TRAF2: variants seen among roughly 807,000 people sequenced by gnomAD.
The protein encoded by TRAF2 is TNF receptor-associated factor 2.
TRAF2 carries 6 observed loss-of-function variants against 55.6 expected under a neutral mutation model. The observed-to-expected ratio is 0.11, with a 90% CI of 0.06 to 0.21. The LOEUF is 0.21. TRAF2 is among the 10% of genes least tolerant of loss of function. The pLI, the probability that TRAF2 is intolerant of heterozygous loss-of-function variation, is 1.00. For synonymous variants in TRAF2, 329 were observed against 276.3 expected (o/e 1.19, Z -1.89); for missense variants, 561 against 684.5 (o/e 0.82, Z 2.01).
At chr9:136,909,870 G>T in intron 5 of TRAF2, 50 bp from the exon 6 acceptor site, 8 of 1,599,234 alleles carry the variant, frequency 5.0e-6, no homozygotes, top group Non-Finnish European at 6.8e-6. Flanking sequence ...CCCTCCACCC[G>T]CGCCTGGCAT....
At chr9:136,922,706 G>A (rs562093135) in intron 9 of TRAF2, among the ~76,000 whole-genome samples, 16 of 145,656 alleles carry the variant, frequency 1.1e-4, no homozygotes, top group African/African-American at 4.1e-4. Context: ...GGGGAGGATG[G>A]GCCTGGGCAC....
At chr9:136,893,741 C>A (rs895157554) in intron 1 of TRAF2, among the ~76,000 whole-genome samples, 1 of 152,016 alleles carries the variant, frequency 6.6e-6, no homozygotes, top group Non-Finnish European at 1.5e-5. Flanking sequence ...GTGGTAGTGA[C>A]CCTTTTTCTT....
chr9:136,883,825 A>G (rs967596260), upstream of TRAF2, among the ~76,000 whole-genome samples: 2 of 119,254 alleles, frequency 1.7e-5, no homozygotes, highest in East Asian at 2.5e-4. Flanking sequence ...CCTTTTGTGT[A>G]TTTTTTTTTT....
chr9:136,909,390 G>A (rs17244019), intron 5 of TRAF2, among the ~76,000 whole-genome samples: 1,897 of 152,194 alleles, frequency 0.012, 40 homozygotes, highest in African/African-American at 0.044. Context: ...CTCTGCCTCT[G>A]GGGCCCATGG....
chr9:136,915,752 C>T (rs534898329), intron 6 of TRAF2, among the ~76,000 whole-genome samples: 130 of 152,298 alleles, frequency 8.5e-4, no homozygotes, highest in Non-Finnish European at 1.6e-3. Context: ...CTGTGCTTCT[C>T]TTGCTGTTCA....
intron 1 of TRAF2, 104 bp from the exon 2 acceptor site, chr9:136,898,609 G>C: frequency 6.6e-7 from 1 of 1,506,340 alleles, no homozygotes; most frequent in Non-Finnish European, 8.9e-7. Context: ...GGTCAGTGGG[G>C]ACCCGGCCCC....
At chr9:136,918,227 T>TTATATATATATA (rs764701854) in intron 7 of TRAF2, among the ~76,000 whole-genome samples, 106 of 68,024 alleles carry the variant, frequency 1.6e-3, no homozygotes, top group African/African-American at 6.9e-3. Flanking sequence ...AGTGTTTTGT[T>TTATATATATATA]TATATATATA....
chr9:136,919,302 T>TTTC (rs1444859748), intron 7 of TRAF2, among the ~76,000 whole-genome samples: 1 of 144,334 alleles, frequency 6.9e-6, no homozygotes, highest in Non-Finnish European at 1.5e-5. Context: ...TGGCTTTTTT[T>TTTC]TTTTTTTTTT....
At chr9:136,883,644 G>A (rs981913061), upstream of TRAF2, among the ~76,000 whole-genome samples, 1 of 151,692 alleles carries the variant, frequency 6.6e-6, no homozygotes, top group African/African-American at 2.4e-5. Context: ...AGCCTCCTGA[G>A]TAATTGGGAT....
chr9:136,911,846 C>CTTTTTTTTTTTTTTTTTTTT (rs71492143), intron 6 of TRAF2, among the ~76,000 whole-genome samples: 1 of 71,452 alleles, frequency 1.4e-5, no homozygotes, highest in Non-Finnish European at 2.4e-5. Flanking sequence ...TCTCTTATCT[C>CTTTTTTTTTTTTTTTTTTTT]TTTTTTTTTT....
At chr9:136,908,901 G>A (rs1018579756) in intron 5 of TRAF2, among the ~76,000 whole-genome samples, 1 of 145,506 alleles carries the variant, frequency 6.9e-6, no homozygotes, top group East Asian at 2.0e-4. Flanking sequence ...AGCCAGGCAC[G>A]GTGGCGAGTG....
At chr9:136,908,364 A>G (rs1219082025) in intron 5 of TRAF2, 133 bp downstream of exon 5, 5 of 1,011,710 alleles carry the variant, frequency 4.9e-6, no homozygotes, top group Non-Finnish European at 7.0e-6. Context: ...CCCTGGAGAC[A>G]CGCGGGCGGA....
At chr9:136,885,555 G>T (rs1026476128), upstream of TRAF2, among the ~76,000 whole-genome samples, 1 of 152,160 alleles carries the variant, frequency 6.6e-6, no homozygotes, top group South Asian at 2.1e-4. Context: ...TTCACTTGAG[G>T]TCGGGAGTTC....
chr9:136,898,501 T>G, intron 1 of TRAF2: 1 of 866,668 alleles, frequency 1.2e-6, no homozygotes, highest in Non-Finnish European at 1.4e-6. Flanking sequence ...CCAGCCTCAC[T>G]GAGCCTGAGT....
At chr9:136,891,470 C>T (rs1849578929) in intron 1 of TRAF2, among the ~76,000 whole-genome samples, 3 of 151,208 alleles carry the variant, frequency 2.0e-5, no homozygotes, top group Admixed American at 2.0e-4. Context: ...TCTTGAACTC[C>T]TGAGCTCAAG....
intron 6 of TRAF2, among the ~76,000 whole-genome samples, chr9:136,913,684 T>C (rs936843925): frequency 3.3e-5 from 5 of 152,200 alleles, no homozygotes; most frequent in African/African-American, 1.2e-4. Flanking sequence ...TTCAGGTTCT[T>C]TTAAAATGTG....
At chr9:136,896,031 C>T (rs372747187) in intron 1 of TRAF2, among the ~76,000 whole-genome samples, 2 of 152,108 alleles carry the variant, frequency 1.3e-5, no homozygotes, top group South Asian at 2.1e-4. Flanking sequence ...CACCATGCCC[C>T]TGTCCTTCCT....
At chr9:136,895,801 G>A (rs1849667026) in intron 1 of TRAF2, among the ~76,000 whole-genome samples, 1 of 146,826 alleles carries the variant, frequency 6.8e-6, no homozygotes, top group African/African-American at 2.5e-5. Flanking sequence ...GTGACAGATT[G>A]CTCCACTGCA....
chr9:136,914,394 G>T (rs1346738682), intron 6 of TRAF2, among the ~76,000 whole-genome samples: 1 of 152,188 alleles, frequency 6.6e-6, no homozygotes, highest in Non-Finnish European at 1.5e-5. Flanking sequence ...AAATTTCTGA[G>T]CCTGGACAGA....
Sources: gnomAD v4.1 joint callset for allele counts (sites outside exome capture counted in the v4.1 genomes callset) on GRCh38, gnomAD v4.1.1 for gene constraint, MANE v1.5 for transcripts, NCBI Gene and HGNC (gene_info 2026-07-23, HGNC 2026-07-21) for gene names.